SNTG2: variants seen among roughly 807,000 people sequenced by gnomAD.
The protein encoded by SNTG2 is gamma-2-syntrophin.
A neutral mutation model predicts 70.9 loss-of-function variants in SNTG2; 74 were observed. The ratio of observed to expected loss-of-function variants is 1.04; its 90% CI spans 0.86 to 1.27. The LOEUF (loss-of-function observed/expected upper bound fraction) is 1.27. SNTG2 is among the 50% of genes most tolerant of loss of function. The probability of loss-of-function intolerance (pLI) is 0.00; values close to 1 mark genes in which losing one functional copy is unlikely to be tolerated. For missense variants in SNTG2, 717 were observed against 690.7 expected (o/e 1.04, Z -0.43); for synonymous variants, 278 against 273.8 (o/e 1.02, Z -0.15).
chr2:1,019,476 T>C lies in SNTG2; in HGVS notation c.73-64042T>C, dbSNP rs561048030. ...AGAGGCCATAGGTGTGCTGGGAATG[T>C]GGAGGGAGTGACCAGGTGTGGTATC... On this transcript the variant is annotated intron_variant, in intron 1 of 16. Coordinates refer to ENST00000308624, the MANE Select transcript of SNTG2 (RefSeq NM_018968.4). 6.2e-4 allele frequency among the ~76,000 whole-genome samples: 94 copies of C among 152,100 alleles called. 1 individual carries two copies. The highest frequency in any genetic ancestry group is 1.8e-3 in the African/African-American group (73 of 41,506).
chr2:1,026,679 G>A (rs906185127), intron 1 of SNTG2, among the ~76,000 whole-genome samples: 4 of 152,130 alleles, frequency 2.6e-5, no homozygotes, highest in Admixed American at 2.6e-4. Context: ...ATGGAGCTCA[G>A]GAAACAACCC....
chr2:1,318,607 G>T (rs571433607), intron 16 of SNTG2, among the ~76,000 whole-genome samples: 20 of 152,252 alleles, frequency 1.3e-4, no homozygotes, highest in Non-Finnish European at 2.9e-4. Flanking sequence ...GCCCTGAGCC[G>T]CATCCTGGGG....
intron 1 of SNTG2, among the ~76,000 whole-genome samples, chr2:1,029,435 A>G (rs1486822354): frequency 6.6e-6 from 1 of 152,232 alleles, no homozygotes; most frequent in Non-Finnish European, 1.5e-5. Flanking sequence ...ATTGAATAAT[A>G]GTATCTAAGA....
chr2:1,351,440 A>T (rs113321767), intron 16 of SNTG2, among the ~76,000 whole-genome samples: 3 of 152,302 alleles, frequency 2.0e-5, no homozygotes, highest in African/African-American at 7.2e-5. Flanking sequence ...AGGAACACCA[A>T]GGAAAGTATC....
chr2:1,012,355 C>T (rs1371637501), intron 1 of SNTG2, among the ~76,000 whole-genome samples: 1 of 152,216 alleles, frequency 6.6e-6, no homozygotes, highest in African/African-American at 2.4e-5. Flanking sequence ...GGACATGTCC[C>T]TGTGTGGGAG....
chr2:1,096,686 G>A (rs181309282), intron 2 of SNTG2, among the ~76,000 whole-genome samples: 4 of 152,158 alleles, frequency 2.6e-5, no homozygotes, highest in African/African-American at 9.7e-5. Flanking sequence ...TGTTCCATTC[G>A]GTGTATCTAC....
At chr2:1,244,184 T>C (rs977462404) in intron 11 of SNTG2, among the ~76,000 whole-genome samples, 1 of 152,214 alleles carries the variant, frequency 6.6e-6, no homozygotes, top group Admixed American at 6.5e-5. Context: ...AACTAGTATT[T>C]GTTTCGTGAA....
At chr2:1,161,799 G>A (rs1670297959) in intron 6 of SNTG2, 1 of 152,180 alleles carries the variant, frequency 6.6e-6, no homozygotes, top group South Asian at 2.1e-4. Context: ...GTTTGGCCGG[G>A]TGCGGTGGCT....
At chr2:1,049,323 T>C (rs1461086492) in intron 1 of SNTG2, among the ~76,000 whole-genome samples, 1 of 152,178 alleles carries the variant, frequency 6.6e-6, no homozygotes, top group Non-Finnish European at 1.5e-5. Context: ...CTGCCCATTC[T>C]TCCCTCCCTC....
intron 13 of SNTG2, among the ~76,000 whole-genome samples, chr2:1,266,767 T>TTTTTTTTTTTG (rs2148182566): frequency 6.7e-6 from 1 of 150,102 alleles, no homozygotes. Flanking sequence ...TTTTTTTTTC[T>TTTTTTTTTTTG]TGAGACAGGG....
At chr2:1,096,016 AC>A (rs1270862000) in intron 2 of SNTG2, among the ~76,000 whole-genome samples, 1 of 151,226 alleles carries the variant, frequency 6.6e-6, no homozygotes, top group African/African-American at 2.4e-5. Flanking sequence ...GAGGGAATGA[AC>A]CCCCCCTTGG....
intron 1 of SNTG2, among the ~76,000 whole-genome samples, chr2:1,070,047 G>A (rs947183810): frequency 6.6e-6 from 1 of 152,016 alleles, no homozygotes; most frequent in Admixed American, 6.6e-5. Context: ...TGTGCAGGGG[G>A]ATGGAGCAAA....
intron 1 of SNTG2, among the ~76,000 whole-genome samples, chr2:1,051,206 C>G (rs966283681): frequency 8.4e-6 from 1 of 119,454 alleles, no homozygotes; most frequent in Non-Finnish European, 1.7e-5. Context: ...TCCTCCCTTC[C>G]TCCCTTCCTT....
At chr2:1,031,528 A>ATATATATATATATATATATTTTTTT in intron 1 of SNTG2, among the ~76,000 whole-genome samples, 31 of 59,044 alleles carry the variant, frequency 5.3e-4, no homozygotes, top group Non-Finnish European at 6.9e-4. Flanking sequence ...ATATATATAT[A>ATATATATATATATATATATTTTTTT]TTTTTTTTTT....
chr2:1,026,065 A>G (rs1660466612), intron 1 of SNTG2, among the ~76,000 whole-genome samples: 1 of 152,222 alleles, frequency 6.6e-6, no homozygotes, highest in Non-Finnish European at 1.5e-5. Flanking sequence ...TGCATTCTTT[A>G]AAACCAGTCC....
chr2:1,146,153 G>T (rs866702732), intron 6 of SNTG2, among the ~76,000 whole-genome samples: 1 of 152,148 alleles, frequency 6.6e-6, no homozygotes, highest in African/African-American at 2.4e-5. Context: ...ATACAAGGAT[G>T]TCTCTTCTCA....
At chr2:1,233,425 G>A (rs1013898553) in intron 9 of SNTG2, among the ~76,000 whole-genome samples, 2 of 152,198 alleles carry the variant, frequency 1.3e-5, no homozygotes, top group African/African-American at 4.8e-5. Flanking sequence ...CGGTGTGGGC[G>A]GGATTCGGAG....
At chr2:1,095,177 C>G (rs115921205) in intron 2 of SNTG2, among the ~76,000 whole-genome samples, 1,771 of 152,344 alleles carry the variant, frequency 0.012, 49 homozygotes, top group African/African-American at 0.04. Flanking sequence ...ATGACCTCAT[C>G]TGACCTTAGT....
chr2:1,083,182 A>AT (rs1558379071), intron 1 of SNTG2, among the ~76,000 whole-genome samples: 58 of 61,960 alleles, frequency 9.4e-4, no homozygotes, highest in African/African-American at 2.4e-3. Flanking sequence ...TAAACTAAAA[A>AT]AATATATATA....
Sources: gnomAD v4.1 joint callset for allele counts (sites outside exome capture counted in the v4.1 genomes callset) on GRCh38, gnomAD v4.1.1 for gene constraint, MANE v1.5 for transcripts, NCBI Gene and HGNC (gene_info 2026-07-23, HGNC 2026-07-21) for gene names.